SEPHS1: variants seen among roughly 807,000 people sequenced by gnomAD.
SEPHS1 encodes selenophosphate synthetase 1.
SEPHS1 carries 7 observed loss-of-function variants against 39.2 expected under a neutral mutation model. The observed-to-expected ratio is 0.18, with a 90% CI of 0.10 to 0.34. The LOEUF (loss-of-function observed/expected upper bound fraction) is 0.34. Among genes scored for constraint, SEPHS1 ranks in the 10% least tolerant of loss-of-function variants. The pLI is 1.00. For missense variants in SEPHS1, 253 were observed against 514.5 expected (o/e 0.49, Z 4.92); for synonymous variants, 190 against 195.5 (o/e 0.97, Z 0.23).
At chr10:13,323,502 G>A (rs766547719) in intron 7 of SEPHS1, among the ~76,000 whole-genome samples, 1 of 151,892 alleles carries the variant, frequency 6.6e-6, no homozygotes, top group African/African-American at 2.4e-5. Context: ...CTACAGGTGC[G>A]CACCACCACG....
In SEPHS1 at chr10:13,317,831, C is replaced by A. The variant is rs1269410359; in HGVS notation, c.*1311G>T. The A allele has an allele frequency of 1.3e-5, 2 of 152,116 alleles. No individual in the cohort carries two copies. The highest frequency in any genetic ancestry group is 2.9e-5 in the Non-Finnish European group (2 of 68,014). 9.4% of individuals were successfully genotyped at this position (152,116 alleles called of 1,614,324 possible). On this transcript the variant is annotated 3_prime_UTR_variant, in exon 9 of 9. Coordinates refer to ENST00000327347, the MANE Select transcript of SEPHS1 (RefSeq NM_012247.5). ...GCCCTTGTGCTTAATGACAGGAATC[C>A]CTCCTCATTGCTTAGTAGGTTAAAA...
At chr10:13,328,178 A>C in intron 7 of SEPHS1, among the ~76,000 whole-genome samples, 173 bp downstream of exon 7, 1 of 152,242 alleles carries the variant, frequency 6.6e-6, no homozygotes, top group East Asian at 1.9e-4. Context: ...ACTGTAAGTC[A>C]GGGACCATCT....
intron 7 of SEPHS1, among the ~76,000 whole-genome samples, chr10:13,325,424 G>A (rs976217292): frequency 1.3e-5 from 2 of 152,134 alleles, no homozygotes; most frequent in African/African-American, 4.8e-5. Flanking sequence ...CCCTCGTGCT[G>A]TTCTCGTCAG....
rs746078177 is a variant in SEPHS1 at position 13,336,255 on chromosome 10, T to G, written c.393A>C (p.Lys131Asn). Residue 131 changes from lysine (K) to asparagine (N), a missense_variant, in exon 4 of 9, where the codon AAA (lysine) becomes AAC (asparagine). Coordinates refer to ENST00000327347, the MANE Select transcript of SEPHS1 (RefSeq NM_012247.5). ...NMLMLLGVSN[K>N]MTDRERDKVM... ...AGCTCCTACTTACCCTGTCGGTCATTTTATTACTGACTCCAAGGAGCATCA... is the reference window on the plus strand; with the variant it reads ...AGCTCCTACTTACCCTGTCGGTCATGTTATTACTGACTCCAAGGAGCATCA... 6.2e-7 allele frequency: 1 copy of G among 1,612,696 alleles called. No individual in the cohort carries two copies. The highest frequency in any genetic ancestry group is 1.1e-5 in the South Asian group (1 of 91,020).
rs1167679353 is a variant in SEPHS1 at position 13,318,871 on chromosome 10, T to C, written c.*271A>G. The C allele has an allele frequency of 9.4e-6, 4 of 425,540 alleles. No individual in the cohort carries two copies. Among genetic ancestry groups the C allele is most frequent in the Non-Finnish European group, 1.7e-5 (4 of 241,148 alleles). The allele number at this position is 425,540 out of a possible 1,614,324, so 26.4% of individuals were successfully genotyped here. ...AAAAGCCTATGCGGCAAGAGATAAG[T>C]GTCTAAAGATTCAAAATGAATCAAC... On this transcript the variant is annotated 3_prime_UTR_variant, in exon 9 of 9. Transcript: ENST00000327347.
At chr10:13,322,143 C>G (rs1351056172) in intron 8 of SEPHS1, 2 of 316,452 alleles carry the variant, frequency 6.3e-6, no homozygotes, top group East Asian at 1.0e-4. Flanking sequence ...ATTCTCTTTT[C>G]TTTTTTTTTT....
intron 7 of SEPHS1, among the ~76,000 whole-genome samples, chr10:13,323,764 CAG>C (rs767831284): frequency 3.3e-5 from 5 of 149,642 alleles, no homozygotes; most frequent in African/African-American, 1.2e-4. Flanking sequence ...TTTTAAGAGA[CAG>C]AGTCTTGCTC....
At chr10:13,344,075 G>T (rs566499960) in intron 2 of SEPHS1, among the ~76,000 whole-genome samples, 2 of 152,142 alleles carry the variant, frequency 1.3e-5, no homozygotes, top group African/African-American at 4.8e-5. Flanking sequence ...GACATCCTGG[G>T]GTCAAGAACA....
At chr10:13,319,476 C>T (rs930506562) in intron 8 of SEPHS1, 120 bp from the exon 9 acceptor site, 4 of 996,358 alleles carry the variant, frequency 4.0e-6, no homozygotes, top group South Asian at 1.4e-5. Flanking sequence ...ATGCAAGTAG[C>T]TCTTCCCATT....
chr10:13,333,572 C>A (rs956910431), intron 5 of SEPHS1, among the ~76,000 whole-genome samples: 7 of 152,158 alleles, frequency 4.6e-5, no homozygotes, highest in African/African-American at 1.7e-4. Context: ...TCCAGAGTAG[C>A]TGAAACTACA....
chr10:13,335,213 G>A (rs59632489), intron 4 of SEPHS1, among the ~76,000 whole-genome samples: 13,732 of 152,184 alleles, frequency 0.09, 2,012 homozygotes, highest in African/African-American at 0.31. Flanking sequence ...TGACACAGAG[G>A]CGTGAGCCCC....
chr10:13,329,853 C>T, intron 5 of SEPHS1, 65 bp from the exon 6 acceptor site: 1 of 1,289,190 alleles, frequency 7.8e-7, no homozygotes, highest in Non-Finnish European at 1.1e-6. Flanking sequence ...TTGTTATTAA[C>T]ACAAGAGAAG....
In SEPHS1 at chr10:13,345,204, T is replaced by A. The variant is rs1833889100; in HGVS notation, c.-78-176A>T. On this transcript the variant is annotated intron_variant, in intron 1 of 8. Coordinates refer to ENST00000327347, the MANE Select transcript of SEPHS1 (RefSeq NM_012247.5). Reference sequence around the variant, plus strand: ...AAAATAGATCTTTTCATAACGGGACTGCGTCAGCACAGACATCTATGTAAA... The same window carrying A: ...AAAATAGATCTTTTCATAACGGGACAGCGTCAGCACAGACATCTATGTAAA... 1.2e-5 allele frequency: 4 copies of A among 327,862 alleles called. No individual in the cohort carries two copies. In the South Asian group the frequency reaches 5.4e-4, roughly 45 times the overall value. 20.3% of individuals were successfully genotyped at this position (327,862 alleles called of 1,614,324 possible). A position where few individuals can be genotyped will look rare whatever the true frequency, so the allele number is the denominator to read the frequency against.
intron 2 of SEPHS1, among the ~76,000 whole-genome samples, chr10:13,343,826 A>G (rs534090745): frequency 2.0e-4 from 30 of 152,324 alleles, no homozygotes; most frequent in African/African-American, 7.0e-4. Context: ...AAAAAAAGGA[A>G]GAAAACTGAT....
In SEPHS1 at chr10:13,318,514, A is replaced by G. The variant is rs1381469997; in HGVS notation, c.*628T>C. On this transcript the variant is annotated 3_prime_UTR_variant, in exon 9 of 9. Transcript: ENST00000327347. ...TATCAGGAAGGCTACAAAAAAAGAA[A>G]TAAGATTTCTTTTTTGTCTTCAAAG... The G allele has an allele frequency of 1.3e-5, 2 of 152,664 alleles. No individual in the cohort carries two copies. The highest frequency in any genetic ancestry group is 2.9e-5 in the Non-Finnish European group (2 of 68,056). 9.5% of individuals were successfully genotyped at this position (152,664 alleles called of 1,614,324 possible). A position where few individuals can be genotyped will look rare whatever the true frequency, so the allele number is the denominator to read the frequency against.
intron 2 of SEPHS1, 149 bp from the exon 3 acceptor site, chr10:13,338,957 G>A (rs1055806579): frequency 1.7e-5 from 11 of 651,406 alleles, no homozygotes; most frequent in African/African-American, 7.2e-5. Context: ...ATCAAGAAGC[G>A]TAACTGAAAT....
intron 4 of SEPHS1, 67 bp from the exon 5 acceptor site, chr10:13,334,038 T>C: frequency 3.0e-6 from 4 of 1,354,328 alleles, no homozygotes; most frequent in East Asian, 2.3e-5. Flanking sequence ...AAGAAGGTTT[T>C]TACACTTACA....
intron 7 of SEPHS1, among the ~76,000 whole-genome samples, chr10:13,327,216 G>A (rs980679734): frequency 1.5e-5 from 2 of 137,768 alleles, no homozygotes; most frequent in Admixed American, 7.8e-5. Context: ...ACTCCAGCCT[G>A]GGCGACAGAG....
intron 7 of SEPHS1, among the ~76,000 whole-genome samples, chr10:13,323,739 C>A (rs1385685559): frequency 6.6e-6 from 1 of 150,736 alleles, no homozygotes. Context: ...TTTTAAATTT[C>A]TTTCTTTTTT....
Sources: allele counts gnomAD v4.1 joint callset (sites outside exome capture counted in the v4.1 genomes callset), GRCh38; gene constraint gnomAD v4.1.1; transcripts MANE v1.5; gene names NCBI Gene and HGNC (gene_info 2026-07-23, HGNC 2026-07-21).